Variants in PHF8 observed in about 807,000 individuals in gnomAD.
The protein encoded by PHF8 is histone lysine demethylase PHF8.
In PHF8, 9 loss-of-function variants were observed where a neutral mutation model predicts 74.4. That is an observed-to-expected ratio of 0.12 (90% CI 0.07 to 0.21). PHF8 has a LOEUF of 0.21. PHF8 is among the 10% of genes least tolerant of loss of function. The pLI is 1.00. For missense variants in PHF8, 478 were observed against 816.6 expected (o/e 0.59, Z 5.05); for synonymous variants, 311 against 316.6 (o/e 0.98, Z 0.19).
chrX:54,015,884 TTC>T (rs1482325710), intron 6 of PHF8, among the ~76,000 whole-genome samples: 2 of 110,944 alleles, frequency 1.8e-5, no homozygotes, highest in Non-Finnish European at 3.8e-5. Context: ...GTAAATAGGT[TTC>T]TCTTTTTCTT....
chrX:54,002,429 A>G (rs73210479), intron 9 of PHF8, among the ~76,000 whole-genome samples, 166 bp downstream of exon 9: 2,775 of 112,173 alleles, frequency 0.025, 27 homozygotes, highest in Non-Finnish European at 0.035. Context: ...TAACTTGCCC[A>G]AAGTCAAATA....
At chrX:53,947,552 G>A (rs2064850082) in intron 19 of PHF8, among the ~76,000 whole-genome samples, 1 of 112,027 alleles carries the variant, frequency 8.9e-6, no homozygotes, top group South Asian at 3.7e-4. Flanking sequence ...TGGATACTTG[G>A]ATCTCTTTTA....
intron 18 of PHF8, among the ~76,000 whole-genome samples, chrX:53,969,270 G>A (rs1025994885): frequency 9.0e-6 from 1 of 110,891 alleles, no homozygotes; most frequent in Admixed American, 9.6e-5. Context: ...CCTCAGTAAA[G>A]TTGCAGGATA....
chrX:53,987,550 A>C (rs1240380171), intron 15 of PHF8, among the ~76,000 whole-genome samples: 2 of 111,678 alleles, frequency 1.8e-5, no homozygotes, highest in Non-Finnish European at 3.8e-5. Flanking sequence ...TCTCTACTAA[A>C]AATACAAAAT....
At chrX:53,954,679 ATAACCTCTTGAATTT>A (rs1557088152) in intron 19 of PHF8, among the ~76,000 whole-genome samples, 5 of 106,857 alleles carry the variant, frequency 4.7e-5, no homozygotes, top group African/African-American at 1.7e-4. Context: ...GTTCATGGTA[ATAACCTCTTGAATTT>A]TATCTTATGT....
chrX:54,016,824 T>C (rs185126228), intron 5 of PHF8, 88 bp from the exon 6 acceptor site: 1 of 729,877 alleles, frequency 1.4e-6, no homozygotes, highest in Non-Finnish European at 2.1e-6. Context: ...AGAATGGCCT[T>C]ACACTCAAAG....
At chrX:54,014,986 T>G (rs1313320605) in intron 6 of PHF8, among the ~76,000 whole-genome samples, 2 of 111,990 alleles carry the variant, frequency 1.8e-5, no homozygotes, top group African/African-American at 6.5e-5. Context: ...CATCTGTTGC[T>G]TTTATCCTAC....
intron 2 of PHF8, among the ~76,000 whole-genome samples, chrX:54,024,690 A>ATGCCGGTCTGTGAACTATTTAC (rs1210555778): frequency 1.8e-5 from 2 of 111,804 alleles, no homozygotes; most frequent in Non-Finnish European, 3.8e-5. Context: ...CCACAGACTA[A>ATGCCGGTCTGTGAACTATTTAC]TGCCGGTCTG....
chrX:53,992,371 T>C (rs141646431), intron 14 of PHF8, among the ~76,000 whole-genome samples: 1 of 112,315 alleles, frequency 8.9e-6, no homozygotes, highest in East Asian at 2.8e-4. Flanking sequence ...AGGATTTCTG[T>C]AAACTAAATT....
intron 8 of PHF8, among the ~76,000 whole-genome samples, chrX:54,009,850 A>G (rs1557106320): frequency 1.4e-4 from 10 of 73,453 alleles, no homozygotes; most frequent in African/African-American, 4.6e-4. Context: ...CTCAGAAAAA[A>G]AAAAAAAAAA....
chrX:54,016,540 T>C (rs2066073775), intron 6 of PHF8, 55 bp downstream of exon 6: 2 of 990,905 alleles, frequency 2.0e-6, no homozygotes, highest in Non-Finnish European at 2.9e-6. Flanking sequence ...ACTAGATATA[T>C]CACACAAGTT....
At chrX:53,994,484 T>C (rs976156913) in intron 12 of PHF8, among the ~76,000 whole-genome samples, 11 of 112,387 alleles carry the variant, frequency 9.8e-5, no homozygotes, top group Non-Finnish European at 1.7e-4. Flanking sequence ...TTCAAAGCAG[T>C]TATGCTTTGA....
intron 15 of PHF8, among the ~76,000 whole-genome samples, chrX:53,987,366 A>G (rs2065581968): frequency 8.9e-6 from 1 of 111,778 alleles, no homozygotes; most frequent in African/African-American, 3.3e-5. Flanking sequence ...AAATGTCAAC[A>G]AGCTCAGGCC....
chrX:54,034,504 G>GT (rs1461785731), intron 2 of PHF8, among the ~76,000 whole-genome samples: 3 of 111,491 alleles, frequency 2.7e-5, no homozygotes, highest in Non-Finnish European at 3.8e-5. Context: ...AAAACTAAAC[G>GT]TATCTGTTGC....
chrX:54,043,166 C>A (rs2066593060), intron 1 of PHF8: 3 of 785,920 alleles, frequency 3.8e-6, no homozygotes, highest in South Asian at 1.3e-4. Flanking sequence ...CCCTAGCTGA[C>A]CCCTGTTTCA....
intron 2 of PHF8, among the ~76,000 whole-genome samples, chrX:54,027,154 T>C (rs2066280006): frequency 9.0e-6 from 1 of 111,020 alleles, no homozygotes; most frequent in Non-Finnish European, 1.9e-5. Flanking sequence ...TTCTGCAGTA[T>C]CTTCAATCTC....
Position 53,987,143 on chromosome X carries a change from G to A in PHF8, c.1930C>T (p.Arg644Cys). The stretch of plus-strand genomic sequence containing the variant: ...TTGGGGTCAGAGCAAGGCTTCGCAC[G>A]GGGCAATTTCCGGGGAAATTCTAGA... Reference protein sequence around the residue: ...IRPKFPRKLPRAKPCSDPNRV... With the variant: ...IRPKFPRKLPCAKPCSDPNRV... The change falls in exon 16 of 22, where the codon CGT becomes TGT. Residue 644 changes from arginine (R) to cysteine (C), a missense_variant. Physicochemically the swap from Arg to Cys is radical, Grantham distance 180. Coordinates refer to ENST00000338154, the MANE Select transcript of PHF8 (RefSeq NM_015107.3). The A allele has an allele frequency of 1.7e-6, 2 of 1,195,230 alleles. No individual in the cohort carries two copies. Among genetic ancestry groups the A allele is most frequent in the South Asian group, 3.5e-5 (2 of 56,520 alleles).
chrX:53,941,385 TC>T (rs1557083484), intron 20 of PHF8, among the ~76,000 whole-genome samples: 1 of 112,135 alleles, frequency 8.9e-6, no homozygotes, highest in Non-Finnish European at 1.9e-5. Context: ...ATCCTCCAGG[TC>T]ACTGGGTCTA....
At chrX:53,969,072 T>C (rs1315751511) in intron 18 of PHF8, among the ~76,000 whole-genome samples, 5 of 110,561 alleles carry the variant, frequency 4.5e-5, no homozygotes, top group Non-Finnish European at 9.5e-5. Context: ...TCATCTCTAC[T>C]AAAAATGCAA....
Sources: gnomAD v4.1 joint callset for allele counts (sites outside exome capture counted in the v4.1 genomes callset) on GRCh38, gnomAD v4.1.1 for gene constraint, MANE v1.5 for transcripts, NCBI Gene and HGNC (gene_info 2026-07-23, HGNC 2026-07-21) for gene names.